KDM4C: variants seen among roughly 807,000 people sequenced by gnomAD.
KDM4C encodes the protein lysine demethylase 4C.
Under a neutral mutation model 129.3 loss-of-function variants are expected in KDM4C, and 81 were observed. The ratio of observed to expected loss-of-function variants is 0.63; its 90% confidence interval spans 0.52 to 0.75. The LOEUF (loss-of-function observed/expected upper bound fraction) is 0.75, where lower values mean the gene tolerates loss of function less well. Ranked by LOEUF, KDM4C falls within the 30% of genes least tolerant of loss-of-function variation. The pLI, the probability that KDM4C is intolerant of heterozygous loss-of-function variation, is 0.00. For synonymous variants in KDM4C, 573 were observed against 456.1 expected (o/e 1.26, Z -3.26); for missense variants, 1,457 against 1,304.0 (o/e 1.12, Z -1.81).
At chr9:6,755,981 C>A (rs914185071), upstream of KDM4C, among the ~76,000 whole-genome samples, 1 of 152,140 alleles carries the variant, frequency 6.6e-6, no homozygotes, top group Non-Finnish European at 1.5e-5. Flanking sequence ...ATATCCACTT[C>A]AGTTCTTCAG....
At chr9:6,949,333 C>T (rs1031251479) in intron 8 of KDM4C, among the ~76,000 whole-genome samples, 9 of 151,054 alleles carry the variant, frequency 6.0e-5, no homozygotes, top group East Asian at 2.0e-4. Context: ...GACGGGATGG[C>T]GGCCGGGAAG....
At chr9:7,082,664 C>G (rs1471787438) in intron 17 of KDM4C, among the ~76,000 whole-genome samples, 1 of 152,198 alleles carries the variant, frequency 6.6e-6, no homozygotes, top group East Asian at 1.9e-4. Flanking sequence ...CACTTCATCT[C>G]AAGCCTACTG....
intron 15 of KDM4C, among the ~76,000 whole-genome samples, chr9:7,033,284 C>T (rs1358930215): frequency 6.6e-6 from 1 of 152,088 alleles, no homozygotes; most frequent in Non-Finnish European, 1.5e-5. Context: ...AAAGGCAGGA[C>T]ATTCACCATT....
At chr9:7,140,025 T>G (rs1365632896) in intron 19 of KDM4C, among the ~76,000 whole-genome samples, 5 of 152,178 alleles carry the variant, frequency 3.3e-5, no homozygotes, top group African/African-American at 2.4e-5. Context: ...TGACTTGGGA[T>G]CTTATACACT....
chr9:6,789,237 TGAGATGGCGTTTTGCTC>T (rs1826070793), intron 1 of KDM4C, among the ~76,000 whole-genome samples: 1 of 148,434 alleles, frequency 6.7e-6, no homozygotes. Context: ...TTTTTTTTTT[TGAGATGGCGTTTTGCTC>T]TTGTTGCCCA....
chr9:6,864,511 T>C (rs2130524602), intron 5 of KDM4C, among the ~76,000 whole-genome samples: 1 of 152,282 alleles, frequency 6.6e-6, no homozygotes. Context: ...TTTGGTGATC[T>C]CTAACTTTTC....
intron 18 of KDM4C, among the ~76,000 whole-genome samples, chr9:7,108,817 T>TAGAATAGGCTCCCA (rs1348622027): frequency 6.6e-6 from 1 of 152,238 alleles, no homozygotes; most frequent in African/African-American, 2.4e-5. Flanking sequence ...TCCCAAATTC[T>TAGAATAGGCTCCCA]ATACCCTAGA....
intron 1 of KDM4C, among the ~76,000 whole-genome samples, chr9:6,759,272 AT>A (rs755391415): frequency 1.3e-5 from 2 of 152,298 alleles, no homozygotes; most frequent in African/African-American, 2.4e-5. Context: ...AGTTTGCGGT[AT>A]TTAAAAAAAT....
chr9:7,145,478 AC>A (rs1842136254), intron 19 of KDM4C, among the ~76,000 whole-genome samples: 3 of 151,306 alleles, frequency 2.0e-5, no homozygotes, highest in South Asian at 4.2e-4. Flanking sequence ...GTTCATTCTT[AC>A]CCCCACTCTG....
chr9:6,733,417 C>T (rs1817415253), intron 1 of KDM4C, among the ~76,000 whole-genome samples: 1 of 152,224 alleles, frequency 6.6e-6, no homozygotes, highest in Admixed American at 6.5e-5. Context: ...GCTAAAGCTG[C>T]ACACTGTGGG....
At chr9:6,996,050 C>G (rs544521134) in intron 12 of KDM4C, among the ~76,000 whole-genome samples, 44 of 152,296 alleles carry the variant, frequency 2.9e-4, no homozygotes, top group African/African-American at 1.0e-3. Context: ...GTGGTGAAGT[C>G]TGGACTTTAG....
chr9:6,929,728 C>G (rs1161294028), intron 8 of KDM4C, among the ~76,000 whole-genome samples: 1 of 151,980 alleles, frequency 6.6e-6, no homozygotes, highest in Non-Finnish European at 1.5e-5. Context: ...GTGTATTTGA[C>G]CCCAACTTCT....
intron 18 of KDM4C, among the ~76,000 whole-genome samples, chr9:7,118,457 G>A (rs1839154954): frequency 6.6e-6 from 1 of 152,210 alleles, no homozygotes; most frequent in Admixed American, 6.5e-5. Flanking sequence ...GACAAGGCAA[G>A]TTTAGATGAG....
chr9:6,820,507 C>A (rs182736720), intron 4 of KDM4C, among the ~76,000 whole-genome samples: 50 of 152,232 alleles, frequency 3.3e-4, no homozygotes, highest in Non-Finnish European at 5.3e-4. Context: ...CTGCTTTGTT[C>A]CAGAGTCTGA....
At chr9:7,171,867 T>G (rs1296417687) in intron 21 of KDM4C, among the ~76,000 whole-genome samples, 2 of 152,008 alleles carry the variant, frequency 1.3e-5, no homozygotes, top group African/African-American at 4.8e-5. Flanking sequence ...AATATGTAAA[T>G]CACATCCATA....
intron 15 of KDM4C, among the ~76,000 whole-genome samples, chr9:7,022,615 C>A (rs1034125441): frequency 2.3e-4 from 33 of 146,618 alleles, no homozygotes; most frequent in Non-Finnish European, 4.0e-4. Flanking sequence ...TTCTTCCTTT[C>A]CAATTTGCAA....
In KDM4C at chr9:7,056,174, C is replaced by G. The variant is rs545134574; in HGVS notation, c.2424+6974C>G. ...AAAGTGCTTTGAATAGTGAACTATT[C>G]TAAAGGAGGAGTAAGAGGTACTATA... On this transcript the variant is annotated intron_variant, in intron 17 of 21. Transcript: ENST00000381309. Among the ~76,000 whole-genome samples the G allele has an allele frequency of 5.3e-5, 8 of 152,088 alleles. No individual in the cohort carries two copies. In the South Asian group the frequency reaches 1.7e-3, roughly 32 times the overall value.
chr9:7,097,054 C>G (rs532138172), intron 17 of KDM4C, among the ~76,000 whole-genome samples: 1 of 152,176 alleles, frequency 6.6e-6, no homozygotes. Flanking sequence ...TTACTTCCAT[C>G]TAGAATGTTT....
chr9:6,985,452 C>T (rs1407844111), intron 10 of KDM4C, among the ~76,000 whole-genome samples: 3 of 152,068 alleles, frequency 2.0e-5, no homozygotes, highest in Non-Finnish European at 2.9e-5. Context: ...AATTACAATC[C>T]AATGTGGTAA....
Sources: allele counts gnomAD v4.1 joint callset (sites outside exome capture counted in the v4.1 genomes callset), GRCh38; gene constraint gnomAD v4.1.1; transcripts MANE v1.5; gene names NCBI Gene and HGNC (gene_info 2026-07-23, HGNC 2026-07-21).